Variants in RYR2 observed in about 807,000 individuals in gnomAD.
RYR2 encodes the protein ryanodine receptor 2.
RYR2 carries 227 observed loss-of-function variants against 601.1 expected under a neutral mutation model. The observed-to-expected ratio is 0.38, with a 90% CI of 0.34 to 0.42. The LOEUF is 0.42. Ranked by LOEUF, RYR2 falls within the 10% of genes least tolerant of loss-of-function variation. RYR2 has a pLI of 1.00. For missense variants in RYR2, 4,646 were observed against 6,156.5 expected, an observed-to-expected ratio of 0.75 and a Z score of 8.21; for synonymous variants, 2,223 against 2,175.1, an observed-to-expected ratio of 1.02 and a Z score of -0.61.
intron 53 of RYR2, 34 bp from the exon 54 acceptor site, chr1:237,657,910 A>C: frequency 8.4e-7 from 1 of 1,191,172 alleles, no homozygotes; most frequent in Non-Finnish European, 1.2e-6. Flanking sequence ...AATTCTGTGA[A>C]AATCAAGCTC....
intron 27 of RYR2, among the ~76,000 whole-genome samples, chr1:237,565,157 CTCTTTCTTTCTTTCTTTCTTTCTTTCTT>C (rs771045857): frequency 1.6e-3 from 86 of 52,924 alleles, no homozygotes; most frequent in African/African-American, 3.9e-3. Flanking sequence ...TTCTTTCTTT[CTCTTTCTTTCTTTCTTTCTTTCTTTCTT>C]TCTTTCTTTC....
chr1:237,141,041 T>G (rs1326118117), intron 1 of RYR2, among the ~76,000 whole-genome samples: 1 of 152,254 alleles, frequency 6.6e-6, no homozygotes, highest in African/African-American at 2.4e-5. Flanking sequence ...AAAATCATTC[T>G]GCAATGCACA....
At chr1:237,270,177 G>A (rs546965109) in intron 1 of RYR2, 32 of 422,926 alleles carry the variant, frequency 7.6e-5, no homozygotes, top group East Asian at 6.8e-4. Flanking sequence ...AAATAGTGAC[G>A]ATAATATGAA....
chr1:237,670,473 T>G (rs1379961283), intron 58 of RYR2, among the ~76,000 whole-genome samples: 1 of 152,224 alleles, frequency 6.6e-6, no homozygotes, highest in African/African-American at 2.4e-5. Context: ...ATTCATTGTT[T>G]GGCTCATGGA....
chr1:237,814,112 T>G (rs1393839705), intron 100 of RYR2, among the ~76,000 whole-genome samples: 9 of 152,230 alleles, frequency 5.9e-5, no homozygotes. Flanking sequence ...AAACACTTAC[T>G]TTTAATTTGC....
chr1:237,123,005 G>A (rs113602025), intron 1 of RYR2, among the ~76,000 whole-genome samples: 103 of 152,294 alleles, frequency 6.8e-4, no homozygotes, highest in African/African-American at 2.4e-3. Context: ...CAAATGTAAA[G>A]GCTATAGGGG....
chr1:237,400,045 C>CACACAG (rs1703207330), intron 10 of RYR2, among the ~76,000 whole-genome samples: 1 of 151,872 alleles, frequency 6.6e-6, no homozygotes, highest in African/African-American at 2.4e-5. Context: ...CTTACACACA[C>CACACAG]ACACACACAC....
In RYR2 at chr1:237,643,555, T is replaced by C. The variant is rs1681798446; in HGVS notation, c.7342+108T>C. 4.3e-6 allele frequency: 5 copies of C among 1,175,020 alleles called. No homozygotes were observed. In the Admixed American group the frequency reaches 9.8e-5, roughly 23 times the overall value. 72.8% of individuals were successfully genotyped at this position (1,175,020 alleles called of 1,614,324 possible). ...CCCAACCTCTCCACTTCCTAAATTATGTGTATACTACTTAAATTAGTTTTT... is the reference window on the plus strand; with the variant it reads ...CCCAACCTCTCCACTTCCTAAATTACGTGTATACTACTTAAATTAGTTTTT... On this transcript the variant is annotated intron_variant, in intron 48 of 104. Coordinates refer to ENST00000366574, the MANE Select transcript of RYR2 (RefSeq NM_001035.3).
At chr1:237,173,587 G>C (rs1027812087) in intron 1 of RYR2, among the ~76,000 whole-genome samples, 1 of 152,158 alleles carries the variant, frequency 6.6e-6, no homozygotes, top group Non-Finnish European at 1.5e-5. Flanking sequence ...AGCTGGGTCA[G>C]GTGAGTCTTT....
intron 22 of RYR2, among the ~76,000 whole-genome samples, chr1:237,506,388 A>G (rs1289619609): frequency 6.6e-6 from 1 of 152,106 alleles, no homozygotes; most frequent in East Asian, 1.9e-4. Context: ...ATACAAAAAA[A>G]TTAGCCGGGC....
intron 1 of RYR2, among the ~76,000 whole-genome samples, chr1:237,220,316 A>G (rs936656415): frequency 2.6e-5 from 4 of 152,180 alleles, no homozygotes; most frequent in Non-Finnish European, 4.4e-5. Context: ...GCCTTTGGAC[A>G]TCCCAGTCCG....
At chr1:237,118,935 T>G (rs563461614) in intron 1 of RYR2, among the ~76,000 whole-genome samples, 27 of 152,138 alleles carry the variant, frequency 1.8e-4, no homozygotes, top group African/African-American at 6.3e-4. Flanking sequence ...GAAAAACCCC[T>G]TGTGCAAAAA....
chr1:237,451,906 A>G (rs932526810), intron 14 of RYR2, among the ~76,000 whole-genome samples: 3 of 150,364 alleles, frequency 2.0e-5, no homozygotes, highest in Middle Eastern at 3.2e-3. Flanking sequence ...TGTTTTTCTT[A>G]TGTGGTTTAT....
At chr1:237,342,372 T>G (rs1028075489) in intron 3 of RYR2, among the ~76,000 whole-genome samples, 4 of 151,252 alleles carry the variant, frequency 2.6e-5, no homozygotes, top group African/African-American at 9.7e-5. Flanking sequence ...CAGGCTGTCC[T>G]TGAACTCCTG....
At chr1:237,269,148 T>C (rs1300186097) in intron 1 of RYR2, among the ~76,000 whole-genome samples, 3 of 147,064 alleles carry the variant, frequency 2.0e-5, no homozygotes, top group African/African-American at 5.2e-5. Flanking sequence ...GTTAAAGCAA[T>C]TCTCCTGCCT....
intron 1 of RYR2, among the ~76,000 whole-genome samples, chr1:237,212,653 A>T (rs940874980): frequency 5.3e-5 from 8 of 152,220 alleles, no homozygotes; most frequent in Non-Finnish European, 7.3e-5. Flanking sequence ...ATTAAAAGGC[A>T]TGCACATTTT....
chr1:237,777,384 C>T (rs1275774833), intron 87 of RYR2, among the ~76,000 whole-genome samples: 1 of 152,200 alleles, frequency 6.6e-6, no homozygotes, highest in Non-Finnish European at 1.5e-5. Context: ...TCTATTTCAA[C>T]ATCTTGGATC....
chr1:237,829,292 G>A (rs566492611), intron 102 of RYR2, among the ~76,000 whole-genome samples: 118 of 152,322 alleles, frequency 7.7e-4, no homozygotes, highest in African/African-American at 2.8e-3. Context: ...AACAGGGACA[G>A]GGAAGTGGGC....
chr1:237,217,019 G>A (rs781001233), intron 1 of RYR2, among the ~76,000 whole-genome samples: 13 of 152,224 alleles, frequency 8.5e-5, no homozygotes, highest in Admixed American at 2.0e-4. Flanking sequence ...ATTTAGTCCC[G>A]AATAAGAAGC....
Sources: gnomAD v4.1 joint callset for allele counts (sites outside exome capture counted in the v4.1 genomes callset) on GRCh38, gnomAD v4.1.1 for gene constraint, MANE v1.5 for transcripts, NCBI Gene and HGNC (gene_info 2026-07-23, HGNC 2026-07-21) for gene names.